The following DDX20 variants were observed in gnomAD, a reference collection of about 807,000 sequenced individuals.
DDX20 encodes DEAD-box helicase 20.
Under a neutral mutation model 76.4 loss-of-function variants are expected in DDX20, and 61 were observed. The observed-to-expected ratio is 0.80, with a 90% CI of 0.65 to 0.99. DDX20 has a LOEUF of 0.99. DDX20 is among the 50% of genes least tolerant of loss of function. DDX20 has a pLI of 0.00. For missense variants in DDX20, 976 were observed against 996.8 expected, an observed-to-expected ratio of 0.98 and a Z score of 0.28; for synonymous variants, 357 against 357.4, an observed-to-expected ratio of 1.00 and a Z score of 0.01.
In DDX20 at chr1:111,766,765, T is replaced by C. The variant is rs1186384457; in HGVS notation, c.2341T>C (p.Tyr781His). ...TTATGAGGAGTACTGGAGAGCTTAC[T>C]ACAGGGCATGGCAAGAATATTATGC... is the stretch of plus-strand genomic sequence containing the variant. ...QDYEEYWRAYYRAWQEYYAAA... is the reference protein window; with the variant it reads ...QDYEEYWRAYHRAWQEYYAAA... Residue 781 changes from tyrosine to histidine, a missense_variant, in exon 11 of 11, where the codon TAC becomes CAC. Physicochemically the swap from Tyr to His is moderately conservative, Grantham distance 83. This residue lies in a region of DDX20 where 630 missense variants were observed against 693.7 expected (regional missense o/e 0.91). Coordinates refer to ENST00000369702, the MANE Select transcript of DDX20 (RefSeq NM_007204.5). The C allele has an allele frequency of 8.1e-6, 13 of 1,614,202 alleles. No individual in the cohort carries two copies. In the South Asian group the frequency reaches 1.3e-4, roughly 16 times the overall value.
intron 10 of DDX20, among the ~76,000 whole-genome samples, chr1:111,763,853 T>C (rs1271328356): frequency 6.6e-6 from 1 of 152,214 alleles, no homozygotes; most frequent in Non-Finnish European, 1.5e-5. Context: ...AAACAACGCA[T>C]GTTTAAAACT....
intron 8 of DDX20, 84 bp from the exon 9 acceptor site, chr1:111,762,593 C>G: frequency 1.7e-6 from 2 of 1,204,076 alleles, no homozygotes; most frequent in East Asian, 4.7e-5. Context: ...TGTCTCTTGA[C>G]TGTACTGGAA....
intron 6 of DDX20, 21 bp from the exon 7 acceptor site, chr1:111,761,205 C>G: frequency 1.9e-6 from 3 of 1,612,100 alleles, no homozygotes; most frequent in South Asian, 2.2e-5. Flanking sequence ...AATTTGTAAC[C>G]ATTTATGTTA....
rs1663651529 is a variant in DDX20, at chr1:111,760,526, C to T, written c.618C>T (p.Arg206=). 6.2e-7 allele frequency: 1 copy of T among 1,613,062 alleles called. No individual in the cohort carries two copies. The highest frequency in any genetic ancestry group is 2.2e-5 in the East Asian group (1 of 44,844). ...ACTACTTGAACCCAGGCAGTATACG[C>T]CTCTTTATTCTTGATGAAGCAGATA... ...ELDYLNPGSI[R]LFILDEADKL... is the part of the protein sequence containing the mutation. The change falls in exon 4 of 11, where the codon CGC becomes CGT. Residue 206 remains arginine (R), a synonymous_variant. Transcript: ENST00000369702.
chr1:111,766,724 C>T lies in DDX20; in HGVS notation c.2300C>T (p.Ser767Phe). 1 of 1,614,156 alleles carries T rather than the reference C, an allele frequency of 6.2e-7. No homozygotes were observed. ...CATAGGGAAATACGTCTGAGTTTTT[C>T]TGATACCTATCAGGATTATGAGGAG... The part of the protein sequence containing the change: ...DCHREIRLSF[S>F]DTYQDYEEYW... The change falls in exon 11 of 11, where the codon TCT (serine) becomes TTT (phenylalanine). Residue 767 changes from serine to phenylalanine, a missense_variant. Around this residue, in one of 3 missense-constraint regions of DDX20, gnomAD observed 630 missense variants for 693.7 expected, o/e 0.91. Transcript: ENST00000369702.
chr1:111,759,947 C>T (rs1663635823), intron 3 of DDX20, among the ~76,000 whole-genome samples: 1 of 137,856 alleles, frequency 7.3e-6, no homozygotes, highest in African/African-American at 2.7e-5. Context: ...GCACTCCAGC[C>T]TGGGTGACAG....
intron 10 of DDX20, among the ~76,000 whole-genome samples, chr1:111,764,449 G>A (rs1439731787): frequency 1.3e-5 from 2 of 152,144 alleles, no homozygotes; most frequent in Admixed American, 1.3e-4. Context: ...CTAGTAGATC[G>A]GGTTAGTAAT....
At chr1:111,763,979 A>T (rs1663725817) in intron 10 of DDX20, among the ~76,000 whole-genome samples, 2 of 152,182 alleles carry the variant, frequency 1.3e-5, no homozygotes, top group African/African-American at 2.4e-5. Context: ...ATTCATATAT[A>T]GATGTATGTC....
chr1:111,760,974 CTCT>C lies in DDX20; in HGVS notation c.824-8_824-6del, dbSNP rs1425104470. Reference sequence around the variant, plus strand: ...CATATATATTTGTTTTAACTGATAGCTCTTCTTTGTAGGTTTGAAGCAGTATTA... The same window carrying C: ...CATATATATTTGTTTTAACTGATAGCTCTTTGTAGGTTTGAAGCAGTATTA... On this transcript the variant is annotated splice_polypyrimidine_tract_variant and intron_variant, in intron 5 of 10. Transcript: ENST00000369702. 2.5e-6 allele frequency: 4 copies of C among 1,609,490 alleles called. No homozygotes were observed. Among genetic ancestry groups the C allele is most frequent in the East Asian group, 2.2e-5 (1 of 44,838 alleles).
chr1:111,756,816 C>T, intron 2 of DDX20, 76 bp downstream of exon 2: 2 of 1,224,746 alleles, frequency 1.6e-6, no homozygotes, highest in African/African-American at 3.0e-5. Flanking sequence ...ACCAGTAGCT[C>T]CTCAGAGCTG....
chr1:111,756,107 G>A lies in DDX20; in HGVS notation c.183G>A (p.Pro61=), dbSNP rs1389689505. Residue 61 remains proline, a synonymous_variant, in exon 1 of 11, where the codon CCG becomes CCA. Transcript: ENST00000369702. ...CGGGGGATGTGCTGTTGGCGGAGCC[G>A]GCCGACTTCGAGTCACTGCTGCTTT... ...TRTGDVLLAE[P]ADFESLLLSR... 5 of 1,597,898 alleles carry A rather than the reference G, an allele frequency of 3.1e-6. No individual in the cohort carries two copies. Among genetic ancestry groups the A allele is most frequent in the Non-Finnish European group, 4.2e-6 (5 of 1,178,362 alleles).
Position 111,760,996 on chromosome 1 carries a change from A to C in DDX20, c.833A>C (p.Gln278Pro). The change falls in exon 6 of 11, where the codon CAG becomes CCG. Residue 278 changes from glutamine (Q) to proline (P), a missense_variant. Gln to Pro is a moderately conservative substitution (Grantham distance 76). Coordinates refer to ENST00000369702, the MANE Select transcript of DDX20 (RefSeq NM_007204.5). The part of the protein sequence containing the change: ...SSDPSLIGLK[Q>P]YYKVVNSYPL... ...TAGCTCTTCTTTGTAGGTTTGAAGC[A>C]GTATTACAAAGTTGTCAATTCATAC... is the stretch of plus-strand genomic sequence containing the variant. 3 of 1,612,804 alleles carry C rather than the reference A, an allele frequency of 1.9e-6. No homozygotes were observed. Among genetic ancestry groups the C allele is most frequent in the Non-Finnish European group, 2.5e-6 (3 of 1,179,658 alleles).
At chr1:111,758,163 A>G (rs556890790) in intron 2 of DDX20, among the ~76,000 whole-genome samples, 6 of 152,140 alleles carry the variant, frequency 3.9e-5, no homozygotes, top group Non-Finnish European at 8.8e-5. Flanking sequence ...CGGCAAATTC[A>G]TATTTTTAAT....
At chr1:111,764,261 G>A (rs1386516369) in intron 10 of DDX20, among the ~76,000 whole-genome samples, 2 of 150,246 alleles carry the variant, frequency 1.3e-5, no homozygotes, top group Middle Eastern at 3.4e-3. Flanking sequence ...CAGCCTGGGC[G>A]AAAGTGCGAG....
At chr1:111,761,479 G>A in intron 7 of DDX20, 195 bp downstream of exon 7, 2 of 477,068 alleles carry the variant, frequency 4.2e-6, no homozygotes, top group South Asian at 3.7e-5. Flanking sequence ...GGAGTAACTT[G>A]GTATATAGTA....
At position 111,759,459 on chromosome 1, in the gene DDX20, C is replaced by T; in HGVS notation, c.456C>T (p.Ala152=). 6.2e-7 allele frequency: 1 copy of T among 1,613,258 alleles called. No individual in the cohort carries two copies. Residue 152 remains alanine, a synonymous_variant, in exon 3 of 11, where the codon GCC becomes GCT. Coordinates refer to ENST00000369702, the MANE Select transcript of DDX20 (RefSeq NM_007204.5). ...TACAGATACATTCTGTTATTACAGC[C>T]ATTGGAATAAAAATGGAAGGCTTAG... ...IAVQIHSVIT[A]IGIKMEGLEC... is the part of the protein sequence containing the mutation.
At chr1:111,763,130 C>A in intron 10 of DDX20, 123 bp downstream of exon 10, 1 of 723,992 alleles carries the variant, frequency 1.4e-6, no homozygotes, top group Non-Finnish European at 2.3e-6. Context: ...CCTGTATGTA[C>A]GTTAACTCAT....
chr1:111,756,299 C>A, intron 1 of DDX20, 74 bp downstream of exon 1: 13 of 1,359,510 alleles, frequency 9.6e-6, no homozygotes, highest in Non-Finnish European at 1.2e-5. Flanking sequence ...GGCGGCCAGG[C>A]CCGCGCCGCA....
rs148372845 is a variant in DDX20, at chr1:111,766,872, A to G, written c.2448A>G (p.Leu816=). 1 of 1,611,458 alleles carries G rather than the reference A, an allele frequency of 6.2e-7. No homozygotes were observed. Among genetic ancestry groups the G allele is most frequent in the Non-Finnish European group, 8.5e-7 (1 of 1,178,784 alleles). ...CTTATCACATGAATACCATTTATCT[A>G]CAAGAAATGATGCATAGTAACCAGT... ...MAAYHMNTIY[L]QEMMHSNQ Residue 816 remains leucine, a synonymous_variant, in exon 11 of 11, where the codon CTA becomes CTG. Transcript: ENST00000369702.
Sources: gnomAD v4.1 joint callset for allele counts (sites outside exome capture counted in the v4.1 genomes callset) on GRCh38, gnomAD v4.1.1 for gene constraint, gnomAD v4.1.1 regional missense constraint, MANE v1.5 for transcripts, NCBI Gene and HGNC (gene_info 2026-07-23, HGNC 2026-07-21) for gene names.